Variants in PCDHGA2 observed in about 807,000 individuals in gnomAD.
PCDHGA2 encodes the protein protocadherin gamma subfamily A, 2.
A neutral mutation model predicts 59.2 loss-of-function variants in PCDHGA2; 40 were observed. The observed-to-expected ratio is 0.68, with a 90% CI of 0.52 to 0.88. The LOEUF (loss-of-function observed/expected upper bound fraction) is 0.88. Ranked by LOEUF, PCDHGA2 falls within the 40% of genes least tolerant of loss-of-function variation. PCDHGA2 has a pLI of 0.00. For synonymous variants in PCDHGA2, 560 were observed against 526.0 expected (o/e 1.06, Z -0.89); for missense variants, 1,226 against 1,204.0 (o/e 1.02, Z -0.27).
intron 1 of PCDHGA2, chr5:141,361,485 A>T (rs1762045132): frequency 2.5e-6 from 4 of 1,614,034 alleles, no homozygotes; most frequent in Non-Finnish European, 3.4e-6. Flanking sequence ...ATAATGCCCC[A>T]GTTTTCCAAC....
At position 141,400,239 on chromosome 5, in the gene PCDHGA2, T is replaced by G. The variant is rs1306520918; in HGVS notation, c.2424+58844T>G. Reference sequence around the variant, plus strand: ...CAGTGCTCTTCCTCCTGGCCGTGATTCTGGCCGTTGCCTTGCGCCTGCGAC... The same window carrying G: ...CAGTGCTCTTCCTCCTGGCCGTGATGCTGGCCGTTGCCTTGCGCCTGCGAC... On this transcript the variant is annotated intron_variant, in intron 1 of 3. Coordinates refer to ENST00000394576, the MANE Select transcript of PCDHGA2 (RefSeq NM_018915.4). 1.9e-6 allele frequency: 3 copies of G among 1,614,054 alleles called. No individual in the cohort carries two copies. The highest frequency in any genetic ancestry group is 2.2e-5 in the East Asian group (1 of 44,880).
chr5:141,366,392 G>A (rs1474350947), intron 1 of PCDHGA2: 24 of 1,614,020 alleles, frequency 1.5e-5, no homozygotes, highest in Non-Finnish European at 1.9e-5. Flanking sequence ...TGAGGATCTG[G>A]ACCTCACACT....
At chr5:141,430,384 A>G (rs547268242) in intron 1 of PCDHGA2, among the ~76,000 whole-genome samples, 32 of 122,116 alleles carry the variant, frequency 2.6e-4, no homozygotes, top group East Asian at 6.6e-4. Context: ...GCTCATTGGG[A>G]AAAAAAAAAA....
intron 1 of PCDHGA2, chr5:141,389,425 C>G (rs1464186383): frequency 6.2e-7 from 1 of 1,613,500 alleles, no homozygotes. Context: ...GTGGTGTTCG[C>G]GCAGCGCGCC....
chr5:141,443,392 T>C (rs151260637), intron 1 of PCDHGA2, among the ~76,000 whole-genome samples: 1,653 of 151,736 alleles, frequency 0.011, 7 homozygotes, highest in Middle Eastern at 0.038. Flanking sequence ...GGCTGAGGTG[T>C]GAGGATCACC....
chr5:141,478,109 T>C, intron 1 of PCDHGA2: 1 of 1,614,086 alleles, frequency 6.2e-7, no homozygotes, highest in Non-Finnish European at 8.5e-7. Context: ...CCTCACTGTG[T>C]CAGTAACCGA....
intron 1 of PCDHGA2, chr5:141,418,778 T>C (rs1256260275): frequency 6.2e-7 from 1 of 1,613,744 alleles, no homozygotes; most frequent in Non-Finnish European, 8.5e-7. Context: ...TCAGCAGCCT[T>C]TGGATTTTGA....
chr5:141,431,389 G>T lies in PCDHGA2; in HGVS notation c.2425-63418G>T, dbSNP rs1213370298. 1 of 1,613,876 alleles carries T rather than the reference G, an allele frequency of 6.2e-7. No homozygotes were observed. Among genetic ancestry groups the T allele is most frequent in the Admixed American group, 1.7e-5 (1 of 60,028 alleles). On this transcript the variant is annotated intron_variant, in intron 1 of 3. Transcript: ENST00000394576. This position sits in a 1 kb window ranked among gnomAD's most constrained non-coding sequence, Gnocchi z 4.8. ...GCGAAGAAAAGGCTGCTCACCACCT[G>T]GTCCTTACGGCCTCCGACGGGGGCG...
Position 141,339,645 on chromosome 5 carries a change from C to T in PCDHGA2, c.674C>T (p.Thr225Ile), listed in dbSNP as rs763540740. ...SDGGDPVLSG[T>I]SRICVKVLDA... ...GGGGGTGACCCAGTGCTATCTGGCA[C>T]CTCCCGCATCTGCGTGAAGGTCCTG... Residue 225 changes from threonine (T) to isoleucine (I), a missense_variant, in exon 1 of 4, where the codon ACC becomes ATC. Coordinates refer to ENST00000394576, the MANE Select transcript of PCDHGA2 (RefSeq NM_018915.4). 6.2e-7 allele frequency: 1 copy of T among 1,614,220 alleles called. No individual in the cohort carries two copies. The highest frequency in any genetic ancestry group is 8.5e-7 in the Non-Finnish European group (1 of 1,180,030).
At chr5:141,410,266 G>A in intron 1 of PCDHGA2, 1 of 1,614,036 alleles carries the variant, frequency 6.2e-7, no homozygotes, top group South Asian at 1.1e-5. Context: ...AGGCTGAACT[G>A]CAGTTTTACC....
chr5:141,424,294 C>G (rs1260250688), intron 1 of PCDHGA2: 1 of 152,470 alleles, frequency 6.6e-6, no homozygotes, highest in Non-Finnish European at 1.5e-5. Context: ...ATTTCTTCAT[C>G]CTATCAACAC....
intron 1 of PCDHGA2, chr5:141,389,509 C>T: frequency 6.2e-7 from 1 of 1,613,118 alleles, no homozygotes; most frequent in Non-Finnish European, 8.5e-7. Flanking sequence ...GCGCTCAGCG[C>T]GAACGTGAGC....
intron 1 of PCDHGA2, among the ~76,000 whole-genome samples, chr5:141,369,978 A>AT (rs1300549847): frequency 6.6e-6 from 1 of 152,234 alleles, no homozygotes; most frequent in Non-Finnish European, 1.5e-5. Flanking sequence ...AAGGTACTTG[A>AT]TTTGGATGGA....
At chr5:141,384,834 C>G (rs369584315) in intron 1 of PCDHGA2, 2 of 1,613,478 alleles carry the variant, frequency 1.2e-6, no homozygotes, top group Non-Finnish European at 1.7e-6. Flanking sequence ...TCGTGGTGGC[C>G]GTCCAGGACC....
At chr5:141,383,515 C>A (rs749503295) in intron 1 of PCDHGA2, 4 of 1,612,348 alleles carry the variant, frequency 2.5e-6, no homozygotes, top group Admixed American at 1.7e-5. Context: ...GGAGGAAGAG[C>A]GGGTTCACCA....
At position 141,510,228 on chromosome 5, in the gene PCDHGA2, G is replaced by A. The variant is rs529723748; in HGVS notation, c.2573-719G>A. The stretch of plus-strand genomic sequence containing the variant: ...GCAGAGGTTGCAGTGAGCCGGGATC[G>A]CGCCACTGCACTCCAGGCTGGGCGA... On this transcript the variant is annotated intron_variant, in intron 3 of 3. Coordinates refer to ENST00000394576, the MANE Select transcript of PCDHGA2 (RefSeq NM_018915.4). Among the ~76,000 whole-genome samples the A allele has an allele frequency of 1.4e-3, 208 of 150,722 alleles. 1 individual carries two copies. Among genetic ancestry groups the A allele is most frequent in the African/African-American group, 4.7e-3 (193 of 40,860 alleles).
At chr5:141,389,927 C>A (rs2091975121) in intron 1 of PCDHGA2, 2 of 1,613,944 alleles carry the variant, frequency 1.2e-6, no homozygotes, top group African/African-American at 2.7e-5. Flanking sequence ...ACCCCTCTGA[C>A]CTCCAGGCTG....
chr5:141,344,015 G>C (rs758846565), intron 1 of PCDHGA2: 8 of 1,514,446 alleles, frequency 5.3e-6, no homozygotes, highest in Non-Finnish European at 8.8e-7. Context: ...TTCAGAGAAA[G>C]CGATTCACCG....
At position 141,493,904 on chromosome 5, in the gene PCDHGA2, G is replaced by A. The variant is rs1204744465; in HGVS notation, c.2425-903G>A. Among the ~76,000 whole-genome samples, 1 of 152,216 alleles carries A rather than the reference G, an allele frequency of 6.6e-6. No individual in the cohort carries two copies. Among genetic ancestry groups the A allele is most frequent in the Non-Finnish European group, 1.5e-5 (1 of 68,028 alleles). On this transcript the variant is annotated intron_variant, in intron 1 of 3. Transcript: ENST00000394576. The surrounding 1 kb of genome is among the most constrained non-coding windows in gnomAD (Gnocchi z 4.3). ...GGCTCTAGGAGTGCTCCATGAGAGT[G>A]TGTGATGGGATAACACACCCCCTGG...
Sources: allele counts gnomAD v4.1 joint callset (sites outside exome capture counted in the v4.1 genomes callset), GRCh38; gene constraint gnomAD v4.1.1; non-coding constraint Gnocchi (gnomAD v3.1); transcripts MANE v1.5; gene names NCBI Gene and HGNC (gene_info 2026-07-23, HGNC 2026-07-21).